The following TMEM106A variants were observed in gnomAD, a reference collection of about 807,000 sequenced individuals.
TMEM106A encodes the protein transmembrane protein 106A.
In TMEM106A, 22 loss-of-function variants were observed where a neutral mutation model predicts 25.1. The ratio of observed to expected loss-of-function variants is 0.88; its 90% CI spans 0.63 to 1.25. The LOEUF (loss-of-function observed/expected upper bound fraction) is 1.25. Among genes scored for constraint, TMEM106A ranks in the 50% most tolerant of loss-of-function variants. The pLI is 0.00. For synonymous variants in TMEM106A, 104 were observed against 129.9 expected (o/e 0.80, Z 1.35); for missense variants, 275 against 318.1 (o/e 0.86, Z 1.03).
At chr17:43,214,392 G>C (rs909369533) in intron 4 of TMEM106A, among the ~76,000 whole-genome samples, 6 of 152,086 alleles carry the variant, frequency 3.9e-5, no homozygotes, top group African/African-American at 1.4e-4. Context: ...ACAAGCATGT[G>C]GCCCTGGCTG....
chr17:43,214,775 C>A (rs2057468897), intron 4 of TMEM106A, among the ~76,000 whole-genome samples: 4 of 152,058 alleles, frequency 2.6e-5, no homozygotes, highest in African/African-American at 9.7e-5. Context: ...GCCTGGCCAA[C>A]ATGGCGAAAC....
chr17:43,216,704 A>T lies in TMEM106A; in HGVS notation c.578A>T (p.Tyr193Phe), dbSNP rs781517369. The change falls in exon 7 of 9, where the codon TAC becomes TTC. Residue 193 changes from tyrosine (Y) to phenylalanine (F), a missense_variant. Coordinates refer to ENST00000612339, the MANE Select transcript of TMEM106A (RefSeq NM_145041.4). ...IGPLASEQMF[Y>F]AVATKIRDEN... Reference sequence around the variant, plus strand: ...TGCCCATTTGGTTGACAGATGTTTTACGCAGTAGCTACCAAGATACGGGAT... The same window carrying T: ...TGCCCATTTGGTTGACAGATGTTTTTCGCAGTAGCTACCAAGATACGGGAT... The T allele has an allele frequency of 1.5e-5, 24 of 1,614,122 alleles. No homozygotes were observed. In the Admixed American group the frequency reaches 4.0e-4, roughly 27 times the overall value.
At position 43,218,054 on chromosome 17, in the gene TMEM106A, G is replaced by GTTT; in HGVS notation, c.*261_*263dup. 2.4e-6 allele frequency: 1 copy of GTTT among 418,416 alleles called. No homozygotes were observed. Among genetic ancestry groups the GTTT allele is most frequent in the Non-Finnish European group, 4.2e-6 (1 of 235,302 alleles). 25.9% of individuals were successfully genotyped at this position (418,416 alleles called of 1,614,324 possible). Reference sequence around the variant, plus strand: ...AGATTCTGCCCTTGGTTAGTTTTTTGTTTTTTTTTTGGTAGAGACAGAGTC... The same window carrying GTTT: ...AGATTCTGCCCTTGGTTAGTTTTTTGTTTTTTTTTTTTTGGTAGAGACAGAGTC... On this transcript the variant is annotated 3_prime_UTR_variant, in exon 9 of 9. Transcript: ENST00000612339.
chr17:43,218,067 T>A lies in TMEM106A; in HGVS notation c.*266T>A. On this transcript the variant is annotated 3_prime_UTR_variant, in exon 9 of 9. Transcript: ENST00000612339. ...GGTTAGTTTTTTGTTTTTTTTTTGGTAGAGACAGAGTCTCACTGTTGGTCC... is the reference window on the plus strand; with the variant it reads ...GGTTAGTTTTTTGTTTTTTTTTTGGAAGAGACAGAGTCTCACTGTTGGTCC... The A allele has an allele frequency of 2.4e-6, 1 of 412,394 alleles. No individual in the cohort carries two copies. The highest frequency in any genetic ancestry group is 4.4e-6 in the Non-Finnish European group (1 of 227,022). 25.5% of individuals were successfully genotyped at this position (412,394 alleles called of 1,614,324 possible). A position where few individuals can be genotyped will look rare whatever the true frequency, so the allele number is the denominator to read the frequency against.
chr17:43,215,879 C>T lies in TMEM106A; in HGVS notation c.367C>T (p.Pro123Ser). The T allele has an allele frequency of 6.2e-7, 1 of 1,614,108 alleles. No individual in the cohort carries two copies. Among genetic ancestry groups the T allele is most frequent in the South Asian group, 1.1e-5 (1 of 91,074 alleles). ...GTTTCCCCGGTCCGTCATTGTGCAG[C>T]CTGCAGGCCTCAACTCCTCCACAGT... ...FLFPRSVIVQPAGLNSSTVAF... is the reference protein window; with the variant it reads ...FLFPRSVIVQSAGLNSSTVAF... Residue 123 changes from proline to serine, a missense_variant, in exon 5 of 9, where the codon CCT (proline) becomes TCT (serine). Physicochemically the swap from Pro to Ser is moderately conservative, Grantham distance 74. Coordinates refer to ENST00000612339, the MANE Select transcript of TMEM106A (RefSeq NM_145041.4).
At chr17:43,217,622 TG>T (rs1169875543) in intron 8 of TMEM106A, 58 bp from the exon 9 acceptor site, 3 of 1,607,054 alleles carry the variant, frequency 1.9e-6, no homozygotes, top group Non-Finnish European at 2.5e-6. Flanking sequence ...GACAGTATAA[TG>T]GGGCCAGAGC....
rs778905910 is a variant in TMEM106A at position 43,213,027 on chromosome 17, C to A, written c.-15C>A. The A allele has an allele frequency of 1.4e-5, 22 of 1,613,674 alleles. No individual in the cohort carries two copies. Among genetic ancestry groups the A allele is most frequent in the Admixed American group, 1.7e-5 (1 of 59,988 alleles). ...TTTGGTCTTTTCTCATTAGTGAAAC[C>A]CCCGCCCCTGAAGAATGGGTAAGAC... On this transcript the variant is annotated 5_prime_UTR_variant, in exon 3 of 9. Transcript: ENST00000612339.
chr17:43,216,013 G>T, intron 5 of TMEM106A, 72 bp downstream of exon 5: 1 of 1,569,924 alleles, frequency 6.4e-7, no homozygotes. Context: ...CCAGTGTTAT[G>T]ACCCTGGGCA....
Position 43,217,240 on chromosome 17 carries a change from CTCTTT to C in TMEM106A, c.615-14_615-10del. 1.2e-6 allele frequency: 2 copies of C among 1,614,124 alleles called. No individual in the cohort carries two copies. Among genetic ancestry groups the C allele is most frequent in the Non-Finnish European group, 1.7e-6 (2 of 1,179,956 alleles). ...TCCATGTGACACGTGGTCCCACGTT[CTCTTT>C]TCTTCTCTCTCAGCAAAATCTGTAC... On this transcript the variant is annotated splice_polypyrimidine_tract_variant and intron_variant, in intron 7 of 8. Coordinates refer to ENST00000612339, the MANE Select transcript of TMEM106A (RefSeq NM_145041.4).
At chr17:43,212,887 T>C in intron 2 of TMEM106A, 134 bp from the exon 3 acceptor site, 1 of 650,616 alleles carries the variant, frequency 1.5e-6, no homozygotes, top group Non-Finnish European at 2.6e-6. Flanking sequence ...GTTTTTCACA[T>C]CCTATCTTCC....
rs192200402 is a variant in TMEM106A at position 43,216,017 on chromosome 17, C to G, written c.429+76C>G. The G allele has an allele frequency of 5.8e-4, 913 of 1,569,330 alleles. 2 individuals are homozygous for G. The highest frequency in any genetic ancestry group is 2.2e-3 in the Middle Eastern group (13 of 5,864). On this transcript the variant is annotated intron_variant, in intron 5 of 8. Coordinates refer to ENST00000612339, the MANE Select transcript of TMEM106A (RefSeq NM_145041.4). ...GTAACCTTTGTCCAGTGTTATGACCCTGGGCATGGGAAGCCAGAGATCTTA... is the reference window on the plus strand; with the variant it reads ...GTAACCTTTGTCCAGTGTTATGACCGTGGGCATGGGAAGCCAGAGATCTTA...
Position 43,215,936 on chromosome 17 carries a change from A to G in TMEM106A, c.424A>G (p.Ile142Val), listed in dbSNP as rs776730221. The G allele has an allele frequency of 6.2e-6, 10 of 1,614,098 alleles. No individual in the cohort carries two copies. Among genetic ancestry groups the G allele is most frequent in the South Asian group, 1.1e-5 (1 of 91,076 alleles). Reference protein sequence around the residue: ...AFDEADIYLNITNILNISNGN... With the variant: ...AFDEADIYLNVTNILNISNGN... ...TGATGAGGCTGATATCTACCTCAAC[A>G]TAACGGTGGGTGGGTGCCCTTGGCT... is the stretch of plus-strand genomic sequence containing the variant. Residue 142 changes from isoleucine to valine, a missense_variant, in exon 5 of 9, where the codon ATA becomes GTA. Coordinates refer to ENST00000612339, the MANE Select transcript of TMEM106A (RefSeq NM_145041.4).
chr17:43,213,609 C>A (rs1334889371), intron 3 of TMEM106A, among the ~76,000 whole-genome samples: 1 of 152,216 alleles, frequency 6.6e-6, no homozygotes, highest in Non-Finnish European at 1.5e-5. Context: ...ATTCTTCATA[C>A]CTATTAGTGG....
Position 43,216,706 on chromosome 17 carries a change from G to A in TMEM106A, c.580G>A (p.Ala194Thr), listed in dbSNP as rs199801892. 103 of 1,614,188 alleles carry A rather than the reference G, an allele frequency of 6.4e-5. No homozygotes were observed. In the Admixed American group the frequency reaches 1.5e-3, roughly 23 times the overall value. ...CCCATTTGGTTGACAGATGTTTTAC[G>A]CAGTAGCTACCAAGATACGGGATGA... is the stretch of plus-strand genomic sequence containing the variant. ...GPLASEQMFY[A>T]VATKIRDENT... The change falls in exon 7 of 9, where the codon GCA becomes ACA. Residue 194 changes from alanine (A) to threonine (T), a missense_variant. By Grantham distance (58) the Ala-to-Thr change is moderately conservative. Transcript: ENST00000612339.
rs536504773 is a variant in TMEM106A, at chr17:43,214,273, G to A, written c.275+382G>A. ...GCTGTGGGCACAGCAGATGTCACTT[G>A]AGGCCACCTGGTGGGCTTCCTTAAG... On this transcript the variant is annotated intron_variant, in intron 4 of 8. Coordinates refer to ENST00000612339, the MANE Select transcript of TMEM106A (RefSeq NM_145041.4). Among the ~76,000 whole-genome samples the A allele has an allele frequency of 5.3e-5, 8 of 151,438 alleles. No homozygotes were observed. In the South Asian group the frequency reaches 1.7e-3, roughly 32 times the overall value.
chr17:43,212,909 CTTGCT>C lies in TMEM106A; in HGVS notation c.-21-110_-21-106del. 2.7e-6 allele frequency: 2 copies of C among 750,952 alleles called. 1 individual carries two copies. The highest frequency in any genetic ancestry group is 4.4e-6 in the Non-Finnish European group (2 of 455,384). The allele number at this position is 750,952 out of a possible 1,614,324, so 46.5% of individuals were successfully genotyped here. The stretch of plus-strand genomic sequence containing the variant: ...ACATCCTATCTTCCTTAGGCTTGAG[CTTGCT>C]TAAACTGTGGTGAAGCTCCTTGCCA... On this transcript the variant is annotated intron_variant, in intron 2 of 8. Coordinates refer to ENST00000612339, the MANE Select transcript of TMEM106A (RefSeq NM_145041.4).
intron 7 of TMEM106A, 48 bp from the exon 8 acceptor site, chr17:43,217,211 C>T (rs998372533): frequency 3.8e-6 from 6 of 1,597,198 alleles, no homozygotes; most frequent in Non-Finnish European, 5.2e-6. Flanking sequence ...AGCTGACAGG[C>T]TGCTCCATGT....
At chr17:43,213,964 T>G in intron 4 of TMEM106A, 73 bp downstream of exon 4, 1 of 1,483,776 alleles carries the variant, frequency 6.7e-7, no homozygotes, top group Non-Finnish European at 9.4e-7. Context: ...TCCCCTGTTT[T>G]GATCTCCCTT....
intron 4 of TMEM106A, among the ~76,000 whole-genome samples, chr17:43,214,654 CA>C (rs2057467963): frequency 6.6e-6 from 1 of 152,068 alleles, no homozygotes; most frequent in South Asian, 2.1e-4. Flanking sequence ...TCCGCCACCC[CA>C]CTATACCAGA....
Sources: gnomAD v4.1 joint callset for allele counts (sites outside exome capture counted in the v4.1 genomes callset) on GRCh38, gnomAD v4.1.1 for gene constraint, MANE v1.5 for transcripts, NCBI Gene and HGNC (gene_info 2026-07-23, HGNC 2026-07-21) for gene names.